SPATA21: variants seen among roughly 807,000 people sequenced by gnomAD.
SPATA21 encodes the protein spermatogenesis-associated protein 21.
In SPATA21, 47 loss-of-function variants were observed where a neutral mutation model predicts 54.8. The observed-to-expected ratio is 0.86, with a 90% CI of 0.68 to 1.09. The LOEUF is 1.09. SPATA21 is among the 50% of genes least tolerant of loss of function. SPATA21 has a pLI of 0.00. For missense variants in SPATA21, 599 were observed against 596.4 expected (o/e 1.00, Z -0.05); for synonymous variants, 245 against 235.3 (o/e 1.04, Z -0.38).
chr1:16,405,228 G>A (rs2085593842), intron 7 of SPATA21, 124 bp from the exon 8 acceptor site: 10 of 1,368,374 alleles, frequency 7.3e-6, no homozygotes, highest in South Asian at 1.5e-5. Context: ...ATTGCTGGGT[G>A]CGTTGGCTCA....
intron 1 of SPATA21, among the ~76,000 whole-genome samples, chr1:16,433,815 G>T (rs1024882939): frequency 2.0e-5 from 3 of 152,164 alleles, no homozygotes; most frequent in African/African-American, 7.2e-5. Context: ...CACCCTTTCA[G>T]ATCACTTGGG....
chr1:16,437,787 C>T (rs192759565), upstream of SPATA21, among the ~76,000 whole-genome samples: 175 of 152,282 alleles, frequency 1.1e-3, 3 homozygotes, highest in African/African-American at 3.8e-3. Flanking sequence ...TGCGGTGGCT[C>T]ACACCTGTAA....
chr1:16,421,632 C>T lies in SPATA21; in HGVS notation c.96-75G>A. 1 of 1,457,778 alleles carries T rather than the reference C, an allele frequency of 6.9e-7. No homozygotes were observed. The highest frequency in any genetic ancestry group is 9.4e-7 in the Non-Finnish European group (1 of 1,066,882). The allele number at this position is 1,457,778 out of a possible 1,614,324, so 90.3% of individuals were successfully genotyped here. A position where few individuals can be genotyped will look rare whatever the true frequency, so the allele number is the denominator to read the frequency against. On this transcript the variant is annotated intron_variant, in intron 4 of 12. Transcript: ENST00000335496. The surrounding 1 kb of genome is among the most constrained non-coding windows in gnomAD (Gnocchi z 5.2). The stretch of plus-strand genomic sequence containing the variant: ...TGCCCCCCTGCCCTCCCCTCTCAGC[C>T]CCCAGGACACTCAGTTCCACCCCAG...
intron 3 of SPATA21, 115 bp downstream of exon 3, chr1:16,431,223 C>T (rs775019983): frequency 7.5e-6 from 12 of 1,596,338 alleles, no homozygotes; most frequent in Non-Finnish European, 9.4e-6. Context: ...TGGATCAGAA[C>T]ATGGGGTGCA....
At chr1:16,408,845 G>C (rs1570123080) in intron 7 of SPATA21, 3 of 307,368 alleles carry the variant, frequency 9.8e-6, no homozygotes, top group South Asian at 3.8e-5. Flanking sequence ...ACTCCAGCCT[G>C]GGTGACAGAG....
chr1:16,431,116 G>C (rs2086446499), intron 3 of SPATA21: 1 of 1,090,798 alleles, frequency 9.2e-7, no homozygotes, highest in African/African-American at 1.6e-5. Context: ...AATCCAGTTT[G>C]AATTGGGTTT....
chr1:16,436,460 A>G (rs957484975), intron 1 of SPATA21, among the ~76,000 whole-genome samples: 2 of 151,770 alleles, frequency 1.3e-5, no homozygotes, highest in Non-Finnish European at 2.9e-5. Context: ...AAATCTTACA[A>G]ATCACCACTA....
At chr1:16,398,092 G>A (rs557153177), downstream of SPATA21, 5 of 768,696 alleles carry the variant, frequency 6.5e-6, no homozygotes, top group Non-Finnish European at 7.9e-6. Flanking sequence ...CTCCTGAGTC[G>A]GCAGATTAAG....
Position 16,400,865 on chromosome 1 carries a change from G to T in SPATA21, c.1029C>A (p.Gly343=). The change falls in exon 11 of 13, where the codon GGC becomes GGA. Residue 343 remains glycine (G), a synonymous_variant. Coordinates refer to ENST00000335496, the MANE Select transcript of SPATA21 (RefSeq NM_198546.1). ...TNYYQKKLKE[G]TCKAQEMEAA... is the part of the protein sequence containing the mutation. Reference sequence around the variant, plus strand: ...CTTCCATCTCCTGGGCCTTGCAGGTGCCTTCCTTCAGCTTTTTCTGGTAGT... The same window carrying T: ...CTTCCATCTCCTGGGCCTTGCAGGTTCCTTCCTTCAGCTTTTTCTGGTAGT... 1 of 1,613,334 alleles carries T rather than the reference G, an allele frequency of 6.2e-7. No homozygotes were observed. Among genetic ancestry groups the T allele is most frequent in the Non-Finnish European group, 8.5e-7 (1 of 1,179,716 alleles).
At position 16,403,661 on chromosome 1, in the gene SPATA21, T is replaced by C. The variant is rs2085529535; in HGVS notation, c.1001+66A>G. 6 of 1,420,450 alleles carry C rather than the reference T, an allele frequency of 4.2e-6. No homozygotes were observed. In the South Asian group the frequency reaches 4.6e-5, roughly 11 times the overall value. The allele number at this position is 1,420,450 out of a possible 1,614,324, so 88.0% of individuals were successfully genotyped here. On this transcript the variant is annotated intron_variant, in intron 10 of 12. Coordinates refer to ENST00000335496, the MANE Select transcript of SPATA21 (RefSeq NM_198546.1). ...AGTCGTAACTACCAAAAGTTCTCAG[T>C]GCCAAAATGCTAGATGCCACCTCTG... is the stretch of plus-strand genomic sequence containing the variant.
rs1459627596 is a variant in SPATA21 at position 16,437,158 on chromosome 1, T to A, written c.-217A>T. On this transcript the variant is annotated 5_prime_UTR_variant, in exon 1 of 13. Transcript: ENST00000335496. ...ATCAGCTGGATGAGTCACAGTGAGA[T>A]TTTCCACCCCTGCTCACCGCCTTGC... The A allele has an allele frequency of 6.6e-6, 1 of 152,296 alleles. No individual in the cohort carries two copies. The highest frequency in any genetic ancestry group is 1.5e-5 in the Non-Finnish European group (1 of 68,126). 9.4% of individuals were successfully genotyped at this position (152,296 alleles called of 1,614,324 possible).
At chr1:16,430,114 CAAAAAA>C (rs1226598581) in intron 3 of SPATA21, among the ~76,000 whole-genome samples, 2 of 53,152 alleles carry the variant, frequency 3.8e-5, no homozygotes, top group Non-Finnish European at 6.7e-5. Flanking sequence ...GACTCTATCT[CAAAAAA>C]AAAAAAAAAA....
intron 5 of SPATA21, among the ~76,000 whole-genome samples, chr1:16,419,801 G>A (rs1384336530): frequency 6.6e-6 from 1 of 152,108 alleles, no homozygotes; most frequent in East Asian, 1.9e-4. Flanking sequence ...TTAACCGGGT[G>A]AGGTGGTGCT....
chr1:16,422,875 G>T (rs2086210694), intron 3 of SPATA21, among the ~76,000 whole-genome samples: 1 of 152,082 alleles, frequency 6.6e-6, no homozygotes, highest in South Asian at 2.1e-4. Flanking sequence ...AAAAAGAGGA[G>T]GTTTTGGCCA....
rs746747424 is a variant in SPATA21 at position 16,421,951 on chromosome 1, A to AG, written c.54dup (p.Phe19LeufsTer9). 1.9e-6 allele frequency: 3 copies of AG among 1,614,058 alleles called. No homozygotes were observed. Among genetic ancestry groups the AG allele is most frequent in the Non-Finnish European group, 2.5e-6 (3 of 1,180,024 alleles). On this transcript the variant is annotated frameshift_variant, in exon 4 of 13. Coordinates refer to ENST00000335496, the MANE Select transcript of SPATA21 (RefSeq NM_198546.1). LOFTEE classifies it high-confidence loss of function. The surrounding 1 kb of genome is among the most constrained non-coding windows in gnomAD (Gnocchi z 5.2). ...TTAGGTCCAGGCGTGGATGGCAGGA[A>AG]GGGGTTGACTGTCTTTTCCTCTGGA...
At position 16,421,803 on chromosome 1, in the gene SPATA21, G is replaced by A. The variant is rs1467941722; in HGVS notation, c.95+108C>T. The A allele has an allele frequency of 1.4e-5, 21 of 1,529,062 alleles. No homozygotes were observed. Among genetic ancestry groups the A allele is most frequent in the Admixed American group, 1.7e-5 (1 of 58,584 alleles). 94.7% of individuals were successfully genotyped at this position (1,529,062 alleles called of 1,614,324 possible). A position where few individuals can be genotyped will look rare whatever the true frequency, so the allele number is the denominator to read the frequency against. Reference sequence around the variant, plus strand: ...ACCCAGCGGAGCATGACTTGCCCAAGGTCCTCTACCAGGTCAGGAGCAGTC... The same window carrying A: ...ACCCAGCGGAGCATGACTTGCCCAAAGTCCTCTACCAGGTCAGGAGCAGTC... On this transcript the variant is annotated intron_variant, in intron 4 of 12. Coordinates refer to ENST00000335496, the MANE Select transcript of SPATA21 (RefSeq NM_198546.1). This position sits in a 1 kb window ranked among gnomAD's most constrained non-coding sequence, Gnocchi z 5.2.
chr1:16,400,935 A>G, intron 10 of SPATA21, 43 bp from the exon 11 acceptor site: 2 of 1,591,150 alleles, frequency 1.3e-6, no homozygotes, highest in Non-Finnish European at 1.7e-6. Context: ...GCTGTGTTTA[A>G]TTCACCCTTC....
At chr1:16,426,577 ATATTTT>A (rs1437281988) in intron 3 of SPATA21, among the ~76,000 whole-genome samples, 4 of 111,106 alleles carry the variant, frequency 3.6e-5, no homozygotes, top group East Asian at 2.8e-4. Context: ...ATATATATAT[ATATTTT>A]TTTTTTTTTT....
At chr1:16,422,700 G>T (rs1236116470) in intron 3 of SPATA21, among the ~76,000 whole-genome samples, 2 of 151,902 alleles carry the variant, frequency 1.3e-5, no homozygotes, top group Non-Finnish European at 2.9e-5. Context: ...TAGAGATGAG[G>T]TCTCACTATG....
Sources: allele counts gnomAD v4.1 joint callset (sites outside exome capture counted in the v4.1 genomes callset), GRCh38; gene constraint gnomAD v4.1.1; non-coding constraint Gnocchi (gnomAD v3.1); transcripts MANE v1.5; gene names NCBI Gene and HGNC (gene_info 2026-07-23, HGNC 2026-07-21).